Variants in KIF18A observed in about 807,000 individuals in gnomAD.
KIF18A encodes the protein kinesin-like protein KIF18A.
Under a neutral mutation model 103.3 loss-of-function variants are expected in KIF18A, and 67 were observed. That is an observed-to-expected ratio of 0.65 (90% CI 0.53 to 0.79). The LOEUF (loss-of-function observed/expected upper bound fraction) is 0.79. Among genes scored for constraint, KIF18A ranks in the 30% least tolerant of loss-of-function variants. The pLI, the probability that KIF18A is intolerant of heterozygous loss-of-function variation, is 0.00. For missense variants in KIF18A, 1,032 were observed against 1,062.5 expected (o/e 0.97, Z 0.40); for synonymous variants, 367 against 355.5 (o/e 1.03, Z -0.36).
intron 3 of KIF18A, among the ~76,000 whole-genome samples, chr11:28,092,663 G>GA (rs1483580559): frequency 1.3e-5 from 2 of 151,720 alleles, no homozygotes; most frequent in African/African-American, 2.4e-5. Flanking sequence ...CAAGATTTAA[G>GA]AAAAAAAATA....
At position 28,035,435 on chromosome 11, in the gene KIF18A, G is replaced by C; in HGVS notation, c.2456C>G (p.Ser819Cys). ...GGCAGCAGTAGTCATTGCCATGTAG[G>C]ATGGCACCATGCTTGGTACAGGCAT... Reference protein sequence around the residue: ...HSMPVPSMVPSYMAMTTAAKR... With the variant: ...HSMPVPSMVPCYMAMTTAAKR... The change falls in exon 15 of 17, where the codon TCC becomes TGC. Residue 819 changes from serine (S) to cysteine (C), a missense_variant. Physicochemically the swap from Ser to Cys is moderately radical, Grantham distance 112 (BLOSUM62 -1). Coordinates refer to ENST00000263181, the MANE Select transcript of KIF18A (RefSeq NM_031217.4). 6.2e-7 allele frequency: 1 copy of C among 1,603,330 alleles called. No individual in the cohort carries two copies. Among genetic ancestry groups the C allele is most frequent in the Non-Finnish European group, 8.5e-7 (1 of 1,173,828 alleles).
At chr11:28,034,063 T>C (rs1256248549) in intron 15 of KIF18A, among the ~76,000 whole-genome samples, 6 of 151,806 alleles carry the variant, frequency 4.0e-5, no homozygotes, top group African/African-American at 1.4e-4. Context: ...ATCTGCTGAA[T>C]TGATTTATTG....
chr11:28,094,658 T>C lies in KIF18A; in HGVS notation c.468A>G (p.Ala156=), dbSNP rs984221766. ...CCCAACTTACCTCCAGATATGAAAC[T>C]GCAGTACTACATATTTTCTCTTCTT... is the stretch of plus-strand genomic sequence containing the variant. ...EIKEEKICST[A]VSYLEVYNEQ... Residue 156 remains alanine, a synonymous_variant, in exon 3 of 17, where the codon GCA becomes GCG. Transcript: ENST00000263181. The C allele has an allele frequency of 1.9e-6, 3 of 1,610,682 alleles. No individual in the cohort carries two copies. The highest frequency in any genetic ancestry group is 2.2e-5 in the East Asian group (1 of 44,852).
chr11:28,072,774 A>AC (rs900411496), intron 10 of KIF18A, among the ~76,000 whole-genome samples: 4 of 151,838 alleles, frequency 2.6e-5, no homozygotes, highest in African/African-American at 7.2e-5. Flanking sequence ...CAGAAAAAAA[A>AC]AAAACAAAAC....
At chr11:28,079,163 C>T (rs1038872053) in intron 9 of KIF18A, among the ~76,000 whole-genome samples, 2 of 151,974 alleles carry the variant, frequency 1.3e-5, no homozygotes, top group African/African-American at 2.4e-5. Context: ...TTATTTAAAG[C>T]CATCAACTCC....
At chr11:28,037,974 T>C (rs1694617575) in intron 13 of KIF18A, among the ~76,000 whole-genome samples, 1 of 151,622 alleles carries the variant, frequency 6.6e-6, no homozygotes, top group Admixed American at 6.6e-5. Flanking sequence ...ACCATTACCT[T>C]CTCTGTCACC....
intron 13 of KIF18A, among the ~76,000 whole-genome samples, chr11:28,045,480 A>G (rs12808162): frequency 0.29 from 44,154 of 151,480 alleles, 7,297 homozygotes; most frequent in African/African-American, 0.44. Flanking sequence ...ACTTCTAATA[A>G]ATGTTTTAAA....
intron 13 of KIF18A, among the ~76,000 whole-genome samples, chr11:28,050,880 T>G (rs1850703529): frequency 6.6e-6 from 1 of 151,838 alleles, no homozygotes; most frequent in Non-Finnish European, 1.5e-5. Context: ...TATTCAAAAA[T>G]CAAGTCTATT....
At chr11:28,092,876 A>G (rs537666544) in intron 3 of KIF18A, among the ~76,000 whole-genome samples, 1 of 152,340 alleles carries the variant, frequency 6.6e-6, no homozygotes, top group East Asian at 1.9e-4. Context: ...CAGTCACTTT[A>G]CTATTGCTTC....
chr11:28,068,576 G>A (rs1467321090), intron 11 of KIF18A, among the ~76,000 whole-genome samples: 1 of 151,128 alleles, frequency 6.6e-6, no homozygotes, highest in African/African-American at 2.4e-5. Flanking sequence ...AGGAATTTTT[G>A]GAAACATCTT....
chr11:28,060,945 G>A (rs1162818930), intron 12 of KIF18A, among the ~76,000 whole-genome samples: 1 of 152,180 alleles, frequency 6.6e-6, no homozygotes, highest in Non-Finnish European at 1.5e-5. Context: ...TCCACTGGAG[G>A]AAGACTCTTG....
intron 1 of KIF18A, among the ~76,000 whole-genome samples, chr11:28,102,034 A>G (rs1033675396): frequency 6.6e-6 from 1 of 152,190 alleles, no homozygotes; most frequent in African/African-American, 2.4e-5. Flanking sequence ...AACACCCAAA[A>G]TAGATTTACT....
intron 13 of KIF18A, among the ~76,000 whole-genome samples, chr11:28,056,052 T>C (rs1850776124): frequency 6.6e-6 from 1 of 152,050 alleles, no homozygotes; most frequent in African/African-American, 2.4e-5. Context: ...CTAGATTACT[T>C]ACAATACCTA....
At chr11:28,054,010 T>C (rs1229340464) in intron 13 of KIF18A, among the ~76,000 whole-genome samples, 1 of 152,020 alleles carries the variant, frequency 6.6e-6, no homozygotes, top group Non-Finnish European at 1.5e-5. Flanking sequence ...CAATATATAT[T>C]TCAAATTTTG....
At chr11:28,038,265 C>T (rs1391506373) in intron 13 of KIF18A, among the ~76,000 whole-genome samples, 2 of 151,498 alleles carry the variant, frequency 1.3e-5, no homozygotes, top group East Asian at 1.9e-4. Context: ...TTTAAAAACA[C>T]AAACATCTGG....
chr11:28,035,295 C>G, intron 15 of KIF18A, 92 bp downstream of exon 15: 1 of 522,328 alleles, frequency 1.9e-6, no homozygotes, highest in Non-Finnish European at 3.2e-6. Flanking sequence ...AATTGAGAGT[C>G]TAATTATAAA....
At chr11:28,099,044 G>A (rs906966533) in intron 1 of KIF18A, among the ~76,000 whole-genome samples, 2 of 151,998 alleles carry the variant, frequency 1.3e-5, no homozygotes, top group African/African-American at 4.8e-5. Flanking sequence ...TGCCATGTTC[G>A]CTACAACATT....
intron 5 of KIF18A, among the ~76,000 whole-genome samples, chr11:28,089,264 C>G (rs1851270916): frequency 6.6e-6 from 1 of 152,138 alleles, no homozygotes; most frequent in Non-Finnish European, 1.5e-5. Flanking sequence ...CAGCTACTTT[C>G]TGAGAAATGC....
chr11:28,095,139 A>G (rs1851352685), intron 2 of KIF18A, among the ~76,000 whole-genome samples: 1 of 152,246 alleles, frequency 6.6e-6, no homozygotes, highest in Non-Finnish European at 1.5e-5. Context: ...AGAAATTGGA[A>G]TACGTTAAAC....
Sources: allele counts gnomAD v4.1 joint callset (sites outside exome capture counted in the v4.1 genomes callset), GRCh38; gene constraint gnomAD v4.1.1; transcripts MANE v1.5; gene names NCBI Gene and HGNC (gene_info 2026-07-23, HGNC 2026-07-21).